The following RPS13 variants were observed in gnomAD, a reference collection of about 807,000 sequenced individuals.
The protein encoded by RPS13 is ribosomal protein S13, also known as small ribosomal subunit protein uS15.
In RPS13, 1 loss-of-function variant was observed where a neutral mutation model predicts 24.6. That is an observed-to-expected ratio of 0.04 (90% CI 0.01 to 0.19). RPS13 has a LOEUF of 0.19. Among genes scored for constraint, RPS13 ranks in the 10% least tolerant of loss-of-function variants. The pLI is 1.00. For missense variants in RPS13, 88 were observed against 187.4 expected, an observed-to-expected ratio of 0.47 and a Z score of 3.10; for synonymous variants, 69 against 65.3, an observed-to-expected ratio of 1.06 and a Z score of -0.27.
At position 17,075,812 on chromosome 11, in the gene RPS13, C is replaced by T. The variant is rs546823260; in HGVS notation, c.152-189G>A. The stretch of plus-strand genomic sequence containing the variant: ...ACATCCAAGGAAGGTTTACCCAACA[C>T]TAAGGAAAACCTTTCTGGTGGAAAC... On this transcript the variant is annotated intron_variant, in intron 3 of 5. Coordinates refer to ENST00000525634, the MANE Select transcript of RPS13 (RefSeq NM_001017.3). 1.2e-5 allele frequency: 8 copies of T among 683,320 alleles called. No homozygotes were observed. In the East Asian group the frequency reaches 2.0e-4, roughly 17 times the overall value. 42.3% of individuals were successfully genotyped at this position (683,320 alleles called of 1,614,324 possible).
At chr11:17,076,849 G>A (rs2137238645) in intron 3 of RPS13, 1 of 445,372 alleles carries the variant, frequency 2.2e-6, no homozygotes, top group South Asian at 2.9e-5. Context: ...TAACTGTGAG[G>A]AACTGTGTCA....
chr11:17,074,537 T>G (rs184095379), intron 5 of RPS13, 71 bp from the exon 6 acceptor site: 1 of 1,138,838 alleles, frequency 8.8e-7, no homozygotes, highest in East Asian at 2.4e-5. Context: ...ATTAACAGAA[T>G]CTCCCCACTA....
At chr11:17,075,423 A>G in intron 4 of RPS13, 31 bp downstream of exon 4, 1 of 1,510,614 alleles carries the variant, frequency 6.6e-7, no homozygotes, top group Non-Finnish European at 8.9e-7. Flanking sequence ...AAGCAGTCCT[A>G]CTTAGCACCA....
intron 3 of RPS13, chr11:17,076,026 T>C (rs1848020676): frequency 3.1e-6 from 1 of 319,788 alleles, no homozygotes; most frequent in Non-Finnish European, 6.2e-6. Context: ...TATTTTCTTT[T>C]GATGTGTCAT....
At chr11:17,076,477 A>G (rs1239094607) in intron 3 of RPS13, 1 of 352,300 alleles carries the variant, frequency 2.8e-6, no homozygotes, top group East Asian at 1.0e-4. Flanking sequence ...AATCGCTTGA[A>G]TCCAGGAGGT....
At position 17,077,548 on chromosome 11, in the gene RPS13, G is replaced by A. The variant is rs1030021763; in HGVS notation, c.23+71C>T. 2.5e-6 allele frequency: 4 copies of A among 1,611,582 alleles called. No individual in the cohort carries two copies. In the Admixed American group the frequency reaches 6.7e-5, roughly 27 times the overall value. On this transcript the variant is annotated intron_variant, in intron 1 of 5. Transcript: ENST00000525634. ...AGCAGCCCAGAACATCATCCCCTCG[G>A]CCCGCTGCCCACACTCCCTGTCTTC...
At chr11:17,076,948 T>G in intron 3 of RPS13, 2 of 560,830 alleles carry the variant, frequency 3.6e-6, no homozygotes, top group South Asian at 4.6e-5. Flanking sequence ...TGCCTCTGCT[T>G]CCTCAACTGT....
intron 5 of RPS13, 104 bp downstream of exon 5, chr11:17,074,993 C>T: frequency 2.5e-6 from 2 of 786,704 alleles, no homozygotes; most frequent in African/African-American, 1.7e-5. Context: ...CAAGGCTGAA[C>T]ATATTTACTA....
intron 3 of RPS13, chr11:17,075,883 A>G: frequency 1.7e-6 from 1 of 592,122 alleles, no homozygotes; most frequent in Non-Finnish European, 3.1e-6. Flanking sequence ...GCTGGAATAC[A>G]GATGACCAAA....
Position 17,077,598 on chromosome 11 carries a change from G to A in RPS13, c.23+21C>T, listed in dbSNP as rs201976936. The A allele has an allele frequency of 2.0e-5, 31 of 1,568,772 alleles. No individual in the cohort carries two copies. In the East Asian group the frequency reaches 7.1e-4, roughly 36 times the overall value. ...CCTCCCACCCCCCGCCCAGCAATCCGGCTTGATGCCCCGAGCTCACCCGGG... is the reference window on the plus strand; with the variant it reads ...CCTCCCACCCCCCGCCCAGCAATCCAGCTTGATGCCCCGAGCTCACCCGGG... On this transcript the variant is annotated intron_variant, in intron 1 of 5. Coordinates refer to ENST00000525634, the MANE Select transcript of RPS13 (RefSeq NM_001017.3).
chr11:17,075,031 T>G (rs1040679845), intron 5 of RPS13, 66 bp downstream of exon 5: 2 of 1,073,430 alleles, frequency 1.9e-6, no homozygotes, highest in Non-Finnish European at 1.4e-6. Flanking sequence ...ACATATTTAC[T>G]ACTAGGACTT....
intron 3 of RPS13, chr11:17,076,749 C>T (rs1318638227): frequency 3.2e-6 from 1 of 314,994 alleles, no homozygotes; most frequent in South Asian, 2.6e-5. Flanking sequence ...TTCTCAGGCC[C>T]CAGAACCATG....
intron 3 of RPS13, chr11:17,076,949 C>T (rs976440556): frequency 4.5e-5 from 25 of 561,384 alleles, no homozygotes; most frequent in Non-Finnish European, 7.3e-5. Context: ...GCCTCTGCTT[C>T]CTCAACTGTA....
chr11:17,077,500 G>C (rs1222890724), intron 1 of RPS13, 23 bp from the exon 2 acceptor site: 2 of 1,613,988 alleles, frequency 1.2e-6, no homozygotes, highest in South Asian at 1.1e-5. Flanking sequence ...GCAGTCTCGA[G>C]GTGAGGTGGC....
At chr11:17,075,668 T>C (rs531071602) in intron 3 of RPS13, 45 bp from the exon 4 acceptor site, 4 of 1,452,348 alleles carry the variant, frequency 2.8e-6, no homozygotes, top group South Asian at 1.2e-5. Flanking sequence ...AAACACAAAC[T>C]GGAGAATGTG....
chr11:17,076,470 C>A, intron 3 of RPS13: 1 of 341,680 alleles, frequency 2.9e-6, no homozygotes, highest in Non-Finnish European at 5.7e-6. Flanking sequence ...GCAGGAGAAT[C>A]GCTTGAATCC....
Position 17,075,088 on chromosome 11 carries a change from G to A in RPS13, c.422+9C>T. The A allele has an allele frequency of 6.4e-7, 1 of 1,567,008 alleles. No homozygotes were observed. The highest frequency in any genetic ancestry group is 8.7e-7 in the Non-Finnish European group (1 of 1,145,216). ...TCTTGATAACAACGACAAAAGAGTT[G>A]ATACTTACTATTTCCAATTGGGAGG... On this transcript the variant is annotated intron_variant, in intron 5 of 5. Transcript: ENST00000525634.
chr11:17,077,505 G>A (rs1435941656), intron 1 of RPS13, 28 bp from the exon 2 acceptor site: 15 of 1,613,972 alleles, frequency 9.3e-6, no homozygotes, highest in Non-Finnish European at 1.3e-5. Flanking sequence ...CTCGAGGTGA[G>A]GTGGCGGCTA....
At chr11:17,075,684 G>A (rs1299647609) in intron 3 of RPS13, 61 bp from the exon 4 acceptor site, 5 of 1,345,484 alleles carry the variant, frequency 3.7e-6, no homozygotes, top group African/African-American at 2.9e-5. Flanking sequence ...ATGTGATGAT[G>A]TCAAGGCTCA....
Sources: gnomAD v4.1 joint callset for allele counts on GRCh38, gnomAD v4.1.1 for gene constraint, MANE v1.5 for transcripts, NCBI Gene and HGNC (gene_info 2026-07-23, HGNC 2026-07-21) for gene names.